STAT3: variants seen among roughly 807,000 people sequenced by gnomAD.
STAT3 encodes the protein DNA-binding protein APRF.
STAT3 carries 7 observed loss-of-function variants against 114.3 expected under a neutral mutation model. The observed-to-expected ratio is 0.06, with a 90% CI of 0.03 to 0.11. STAT3 has a LOEUF of 0.11. Among genes scored for constraint, STAT3 ranks in the 10% least tolerant of loss-of-function variants. The probability of loss-of-function intolerance (pLI) is 1.00; values close to 1 mark genes in which losing one functional copy is unlikely to be tolerated. For synonymous variants in STAT3, 331 were observed against 354.5 expected, an observed-to-expected ratio of 0.93 and a Z score of 0.74; for missense variants, 364 against 960.9, an observed-to-expected ratio of 0.38 and a Z score of 8.21.
rs768099770 is a variant in STAT3, at chr17:42,316,883, G to C, written c.2163C>G (p.Thr721=). The change falls in exon 23 of 24, where the codon ACC becomes ACG. Residue 721 remains threonine, a synonymous_variant. Transcript: ENST00000264657. Reference sequence around the variant, plus strand: ...TGCGGGGGGACATCGGCAGGTCAATGGTATTGCTGCAGGTCGTTCTGTAGG... The same window carrying C: ...TGCGGGGGGACATCGGCAGGTCAATCGTATTGCTGCAGGTCGTTCTGTAGG... ...ICVTPTTCSN[T]IDLPMSPRTL... is the part of the protein sequence containing the mutation. 2 of 1,612,760 alleles carry C rather than the reference G, an allele frequency of 1.2e-6. No homozygotes were observed. The highest frequency in any genetic ancestry group is 1.3e-5 in the African/African-American group (1 of 74,588).
chr17:42,327,926 G>A (rs1231467842), intron 14 of STAT3, among the ~76,000 whole-genome samples: 8 of 151,730 alleles, frequency 5.3e-5, no homozygotes, highest in South Asian at 4.2e-4. Context: ...TGCACCTATC[G>A]TCCCAGCTAC....
At chr17:42,364,960 G>A (rs1044150281) in intron 1 of STAT3, among the ~76,000 whole-genome samples, 5 of 152,114 alleles carry the variant, frequency 3.3e-5, no homozygotes, top group East Asian at 1.9e-4. Context: ...TGGGGCTGAC[G>A]ATGCTTGGAT....
intron 4 of STAT3, among the ~76,000 whole-genome samples, chr17:42,344,488 C>T (rs1490290614): frequency 2.0e-5 from 3 of 150,520 alleles, no homozygotes; most frequent in Admixed American, 6.6e-5. Context: ...AGGCTGTGGC[C>T]GGTGGATCAT....
Position 42,317,449 on chromosome 17 carries a change from G to A in STAT3, c.2102-225C>T, listed in dbSNP as rs2081296130. The A allele has an allele frequency of 8.2e-6, 5 of 613,274 alleles. No homozygotes were observed. In the South Asian group the frequency reaches 9.6e-5, roughly 12 times the overall value. The allele number at this position is 613,274 out of a possible 1,614,324, so 38.0% of individuals were successfully genotyped here. A position where few individuals can be genotyped will look rare whatever the true frequency, so the allele number is the denominator to read the frequency against. Reference sequence around the variant, plus strand: ...GAACTTCAGTTCTTTGCACAAAGCTGTCCTGAGCTGCAGAGACTTTTCAGC... The same window carrying A: ...GAACTTCAGTTCTTTGCACAAAGCTATCCTGAGCTGCAGAGACTTTTCAGC... On this transcript the variant is annotated intron_variant, in intron 21 of 23. Transcript: ENST00000264657.
chr17:42,382,170 T>G (rs1262520367), intron 1 of STAT3, among the ~76,000 whole-genome samples: 1 of 152,204 alleles, frequency 6.6e-6, no homozygotes, highest in Non-Finnish European at 1.5e-5. Flanking sequence ...GGTGTTCCCA[T>G]CTGATAAAGC....
At chr17:42,316,580 T>C (rs1393572237) in intron 23 of STAT3, 2 of 1,341,388 alleles carry the variant, frequency 1.5e-6, no homozygotes, top group African/African-American at 1.4e-5. Flanking sequence ...ATAAAATATA[T>C]TGTAAAAATT....
chr17:42,326,210 G>A lies in STAT3; in HGVS notation c.1282-11C>T, dbSNP rs1216348004. The A allele has an allele frequency of 1.5e-5, 24 of 1,612,780 alleles. No homozygotes were observed. In the Middle Eastern group the frequency reaches 6.6e-4, roughly 44 times the overall value. On this transcript the variant is annotated splice_polypyrimidine_tract_variant and intron_variant, in intron 14 of 23. Transcript: ENST00000264657. Reference sequence around the variant, plus strand: ...CACAATCAGGGAAGCCTACAGTAACGAGAAGGACACTCTTAGGCCAGGTGT... The same window carrying A: ...CACAATCAGGGAAGCCTACAGTAACAAGAAGGACACTCTTAGGCCAGGTGT...
intron 18 of STAT3, 95 bp downstream of exon 18, chr17:42,323,478 G>T: frequency 6.4e-7 from 1 of 1,558,456 alleles, no homozygotes; most frequent in Non-Finnish European, 8.8e-7. Context: ...ACTGGCCGCT[G>T]GACCAAGAGT....
chr17:42,323,245 C>T lies in STAT3; in HGVS notation c.1748+15G>A. On this transcript the variant is annotated intron_variant, in intron 19 of 23. Transcript: ENST00000264657. ...GGGGACTTGGTTACATCTGTGCACA[C>T]TCTGTCCAACCTACCCTTCGTTCCA... is the stretch of plus-strand genomic sequence containing the variant. 1 of 1,614,218 alleles carries T rather than the reference C, an allele frequency of 6.2e-7. No individual in the cohort carries two copies. Among genetic ancestry groups the T allele is most frequent in the Non-Finnish European group, 8.5e-7 (1 of 1,180,022 alleles).
chr17:42,375,085 T>C (rs2084377751), intron 1 of STAT3, among the ~76,000 whole-genome samples: 1 of 152,162 alleles, frequency 6.6e-6, no homozygotes, highest in South Asian at 2.1e-4. Flanking sequence ...CCAACATTAA[T>C]CTGGTAATGT....
chr17:42,344,548 C>G (rs60495874), intron 4 of STAT3, among the ~76,000 whole-genome samples: 9,610 of 151,456 alleles, frequency 0.063, 1,023 homozygotes, highest in African/African-American at 0.22. Flanking sequence ...AACCCCATCT[C>G]TACTAAAAAA....
intron 1 of STAT3, among the ~76,000 whole-genome samples, chr17:42,370,111 A>G (rs547100101): frequency 7.2e-5 from 11 of 151,854 alleles, no homozygotes; most frequent in South Asian, 2.1e-4. Context: ...CTGGGATTAC[A>G]GGCACCCACC....
intron 14 of STAT3, among the ~76,000 whole-genome samples, chr17:42,328,939 T>A (rs1481379325): frequency 1.3e-5 from 2 of 152,248 alleles, no homozygotes; most frequent in East Asian, 3.8e-4. Flanking sequence ...TTATTTTATG[T>A]ACTCTTTTCC....
At position 42,388,286 on chromosome 17, in the gene STAT3, T is replaced by C; in HGVS notation, c.-31A>G. 8.1e-7 allele frequency: 1 copy of C among 1,231,602 alleles called. No homozygotes were observed. 76.3% of individuals were successfully genotyped at this position (1,231,602 alleles called of 1,614,324 possible). A position where few individuals can be genotyped will look rare whatever the true frequency, so the allele number is the denominator to read the frequency against. Reference sequence around the variant, plus strand: ...ACCCTGCACCCCCTTCACCTGTTTCTCCGGCAGAGGCCGAGAGGCCGGGGC... The same window carrying C: ...ACCCTGCACCCCCTTCACCTGTTTCCCCGGCAGAGGCCGAGAGGCCGGGGC... On this transcript the variant is annotated 5_prime_UTR_variant, in exon 1 of 24. Coordinates refer to ENST00000264657, the MANE Select transcript of STAT3 (RefSeq NM_139276.3).
intron 1 of STAT3, among the ~76,000 whole-genome samples, chr17:42,371,927 G>C (rs1239270136): frequency 6.6e-6 from 1 of 152,108 alleles, no homozygotes; most frequent in Non-Finnish European, 1.5e-5. Flanking sequence ...AGGCTGCAGT[G>C]AGCCGAGATT....
intron 1 of STAT3, among the ~76,000 whole-genome samples, chr17:42,351,430 C>T (rs1328757368): frequency 6.6e-6 from 1 of 151,818 alleles, no homozygotes; most frequent in Non-Finnish European, 1.5e-5. Context: ...GAGACGGGGT[C>T]CTACTGTGTT....
At chr17:42,377,867 A>T (rs910299507) in intron 1 of STAT3, among the ~76,000 whole-genome samples, 5 of 152,084 alleles carry the variant, frequency 3.3e-5, no homozygotes, top group Non-Finnish European at 5.9e-5. Flanking sequence ...TACTCAGAAA[A>T]TATTCTCACT....
rs764131337 is a variant in STAT3 at position 42,337,907 on chromosome 17, G to A, written c.551-50C>T. 1.8e-5 allele frequency: 25 copies of A among 1,428,494 alleles called. No homozygotes were observed. In the South Asian group the frequency reaches 2.7e-4, roughly 16 times the overall value. 88.5% of individuals were successfully genotyped at this position (1,428,494 alleles called of 1,614,324 possible). A position where few individuals can be genotyped will look rare whatever the true frequency, so the allele number is the denominator to read the frequency against. ...GACCTGAGGGAATACTCCTTGACCT[G>A]AGGGAATACTCCTTGACCTGAGGGA... On this transcript the variant is annotated intron_variant, in intron 6 of 23. Coordinates refer to ENST00000264657, the MANE Select transcript of STAT3 (RefSeq NM_139276.3). This position sits in a 1 kb window ranked among gnomAD's most constrained non-coding sequence, Gnocchi z 4.0.
chr17:42,383,704 C>T (rs925136744), intron 1 of STAT3, among the ~76,000 whole-genome samples: 3 of 152,234 alleles, frequency 2.0e-5, no homozygotes, highest in Non-Finnish European at 4.4e-5. Context: ...ATGCCATCCT[C>T]CTGGATCTCA....
Sources: allele counts gnomAD v4.1 joint callset (sites outside exome capture counted in the v4.1 genomes callset), GRCh38; gene constraint gnomAD v4.1.1; non-coding constraint Gnocchi (gnomAD v3.1); transcripts MANE v1.5; gene names NCBI Gene and HGNC (gene_info 2026-07-23, HGNC 2026-07-21).